Variants in MRTFB observed in about 807,000 individuals in gnomAD.
The protein encoded by MRTFB is myocardin related transcription factor B.
Under a neutral mutation model 104.2 loss-of-function variants are expected in MRTFB, and 29 were observed. The observed-to-expected ratio is 0.28, with a 90% CI of 0.21 to 0.38. The LOEUF is 0.38. Ranked by LOEUF, MRTFB falls within the 10% of genes least tolerant of loss-of-function variation. The pLI is 1.00. For missense variants in MRTFB, 1,270 were observed against 1,341.6 expected, an observed-to-expected ratio of 0.95 and a Z score of 0.83; for synonymous variants, 535 against 519.5, an observed-to-expected ratio of 1.03 and a Z score of -0.41.
At chr16:14,227,876 T>A (rs1305041052) in intron 8 of MRTFB, among the ~76,000 whole-genome samples, 1 of 149,466 alleles carries the variant, frequency 6.7e-6, no homozygotes, top group African/African-American at 2.5e-5. Flanking sequence ...CAAAAAGAAC[T>A]CCCACAACTC....
chr16:14,070,547 A>G (rs1402931786), upstream of MRTFB, among the ~76,000 whole-genome samples: 2 of 152,224 alleles, frequency 1.3e-5, no homozygotes, highest in Non-Finnish European at 2.9e-5. Flanking sequence ...TCAGAGCTGC[A>G]CAGGGAGTGG....
chr16:13,998,826 C>T, the MRTFB span, among the ~76,000 whole-genome samples: 14 of 126,738 alleles, frequency 1.1e-4, no homozygotes, highest in Non-Finnish European at 1.6e-4. Context: ...GAGCCATGTT[C>T]ATGCCACTGC....
chr16:14,066,204 G>A, the MRTFB span, among the ~76,000 whole-genome samples: 1 of 150,996 alleles, frequency 6.6e-6, no homozygotes. Context: ...CTTTAATAGT[G>A]CTTTTTTTTG....
chr16:14,220,289 A>G (rs918666601), intron 8 of MRTFB, among the ~76,000 whole-genome samples: 1 of 152,338 alleles, frequency 6.6e-6, no homozygotes. Flanking sequence ...AGATACCATT[A>G]ACAAACAGTT....
the MRTFB span, among the ~76,000 whole-genome samples, chr16:14,004,833 A>C: frequency 6.6e-5 from 10 of 152,232 alleles, no homozygotes; most frequent in Non-Finnish European, 1.3e-4. Context: ...TTTCTCCAGA[A>C]GCTCCTCTGG....
intron 3 of MRTFB, chr16:14,200,051 AGC>A: frequency 2.0e-6 from 1 of 488,700 alleles, no homozygotes; most frequent in Non-Finnish European, 3.6e-6. Flanking sequence ...TTACCTTGTA[AGC>A]TGGACTACAG....
At chr16:14,037,632 G>A in the MRTFB span, among the ~76,000 whole-genome samples, 1 of 152,200 alleles carries the variant, frequency 6.6e-6, no homozygotes, top group Admixed American at 6.5e-5. Context: ...CTGGAAAAGA[G>A]CACAGTTCCC....
chr16:14,235,192 C>G (rs1211423253), intron 9 of MRTFB, among the ~76,000 whole-genome samples: 2 of 152,180 alleles, frequency 1.3e-5, no homozygotes, highest in Non-Finnish European at 2.9e-5. Context: ...CCTCACGGCC[C>G]TAAGTCGCCG....
intron 3 of MRTFB, among the ~76,000 whole-genome samples, chr16:14,185,960 G>C (rs1288320739): frequency 1.3e-5 from 2 of 152,120 alleles, no homozygotes; most frequent in Non-Finnish European, 2.9e-5. Context: ...GCCCATCCTT[G>C]ATAGCTCATG....
At chr16:14,071,231 G>A (rs2033661163), upstream of MRTFB, 1 of 153,212 alleles carries the variant, frequency 6.5e-6, no homozygotes, top group Admixed American at 6.5e-5. Flanking sequence ...GGTGGGCAGC[G>A]TCCGGGGAGC....
At chr16:14,052,576 A>G in the MRTFB span, among the ~76,000 whole-genome samples, 2 of 152,112 alleles carry the variant, frequency 1.3e-5, no homozygotes, top group East Asian at 3.9e-4. Context: ...CGTCTCTACT[A>G]AAAATACAAA....
chr16:14,192,995 T>C (rs2151067398), intron 3 of MRTFB, among the ~76,000 whole-genome samples: 1 of 152,180 alleles, frequency 6.6e-6, no homozygotes, highest in East Asian at 1.9e-4. Flanking sequence ...CACAGCACTG[T>C]ATCATCACGG....
the MRTFB span, among the ~76,000 whole-genome samples, chr16:14,010,247 C>G: frequency 1.7e-4 from 26 of 152,282 alleles, no homozygotes; most frequent in African/African-American, 6.0e-4. Context: ...TTAGCCTCAA[C>G]AGTTCTTACA....
chr16:14,175,035 AT>A (rs1181124281), intron 3 of MRTFB, among the ~76,000 whole-genome samples: 2 of 152,212 alleles, frequency 1.3e-5, no homozygotes, highest in African/African-American at 4.8e-5. Context: ...CTAATTAGAA[AT>A]TAGGTAAATT....
At chr16:14,243,048 G>T (rs2042845025) in intron 10 of MRTFB, among the ~76,000 whole-genome samples, 1 of 152,094 alleles carries the variant, frequency 6.6e-6, no homozygotes, top group Non-Finnish European at 1.5e-5. Context: ...GGAGAGAGAT[G>T]TGGAGAAAAA....
At chr16:14,039,897 C>T in the MRTFB span, among the ~76,000 whole-genome samples, 1 of 151,670 alleles carries the variant, frequency 6.6e-6, no homozygotes, top group Non-Finnish European at 1.5e-5. Context: ...TACAGGCATG[C>T]ACCACCACGC....
At position 14,085,898 on chromosome 16, in the gene MRTFB, A is replaced by T. The variant is rs185922956; in HGVS notation, c.-64+6544A>T. ...TGGCCTGTATCCCATTTATTTTCCA[A>T]CTCTGCTTTTTTGTTTGTGTGTTTT... On this transcript the variant is annotated intron_variant, in intron 2 of 16. Coordinates refer to ENST00000571589, the MANE Select transcript of MRTFB (RefSeq NM_001308142.2). Among the ~76,000 whole-genome samples the T allele has an allele frequency of 6.6e-5, 10 of 152,108 alleles. 1 individual carries two copies. In the East Asian group the frequency reaches 1.5e-3, roughly 23 times the overall value.
intron 3 of MRTFB, among the ~76,000 whole-genome samples, chr16:14,157,513 C>CT (rs2038870983): frequency 6.6e-6 from 1 of 152,168 alleles, no homozygotes; most frequent in South Asian, 2.1e-4. Context: ...CAGGGCCACC[C>CT]CTTACTGCCC....
chr16:14,227,210 T>C (rs1480931519), intron 8 of MRTFB, among the ~76,000 whole-genome samples: 1 of 152,032 alleles, frequency 6.6e-6, no homozygotes, highest in Non-Finnish European at 1.5e-5. Context: ...CCCTCATGAA[T>C]AGATTAACAG....
Sources: allele counts gnomAD v4.1 joint callset (sites outside exome capture counted in the v4.1 genomes callset), GRCh38; gene constraint gnomAD v4.1.1; transcripts MANE v1.5; gene names NCBI Gene and HGNC (gene_info 2026-07-23, HGNC 2026-07-21).